GARIN2: variants seen among roughly 807,000 people sequenced by gnomAD.
The protein encoded by GARIN2 is golgi associated RAB2 interactor family member 2.
the GARIN2 span, among the ~76,000 whole-genome samples, chr14:67,226,213 A>G: frequency 1.3e-5 from 2 of 151,864 alleles, no homozygotes; most frequent in African/African-American, 4.8e-5. Flanking sequence ...TTTTTTTGAG[A>G]CTGAATCTTG....
the GARIN2 span, among the ~76,000 whole-genome samples, chr14:67,190,663 A>C: frequency 6.6e-6 from 1 of 152,214 alleles, no homozygotes; most frequent in Non-Finnish European, 1.5e-5. Context: ...TTCAGAACAC[A>C]AGGCTTTCTC....
chr14:67,203,212 C>T, the GARIN2 span: 3 of 1,613,852 alleles, frequency 1.9e-6, no homozygotes, highest in Non-Finnish European at 2.5e-6. Context: ...GCCCATCTGA[C>T]ACCTGGTGCC....
chr14:67,210,841 T>G, the GARIN2 span, among the ~76,000 whole-genome samples: 8 of 151,956 alleles, frequency 5.3e-5, no homozygotes. Flanking sequence ...GGTGAAACCC[T>G]GTCTCTACAA....
the GARIN2 span, among the ~76,000 whole-genome samples, chr14:67,193,296 A>ATC: frequency 7.7e-6 from 1 of 129,824 alleles, no homozygotes; most frequent in African/African-American, 2.8e-5. Context: ...ATAGACATCT[A>ATC]TCTATATATC....
chr14:67,193,960 A>AAAAAC, the GARIN2 span, among the ~76,000 whole-genome samples: 1 of 149,566 alleles, frequency 6.7e-6, no homozygotes, highest in Non-Finnish European at 1.5e-5. Flanking sequence ...AAAACAAAAA[A>AAAAAC]AAAACGAAAA....
the GARIN2 span, chr14:67,200,210 A>G: frequency 9.0e-7 from 1 of 1,106,066 alleles, no homozygotes; most frequent in Non-Finnish European, 1.3e-6. Flanking sequence ...CCCCCCATGG[A>G]TACACTGGCC....
the GARIN2 span, among the ~76,000 whole-genome samples, chr14:67,221,330 C>A: frequency 3.7e-4 from 56 of 152,300 alleles, no homozygotes; most frequent in African/African-American, 1.2e-3. Context: ...TTGGTGATTT[C>A]TCCTAACCAT....
the GARIN2 span, among the ~76,000 whole-genome samples, chr14:67,216,898 G>A: frequency 6.6e-6 from 1 of 152,166 alleles, no homozygotes; most frequent in Non-Finnish European, 1.5e-5. Flanking sequence ...GCTGTTGGAT[G>A]AAATGTTCTA....
At chr14:67,212,589 G>GAAA in the GARIN2 span, among the ~76,000 whole-genome samples, 994 of 99,454 alleles carry the variant, frequency 1.0e-2, 2 homozygotes, top group Middle Eastern at 0.02. Context: ...AGACCCTGTT[G>GAAA]AAAAAAAAAA....
the GARIN2 span, chr14:67,204,537 GT>G: frequency 6.2e-7 from 1 of 1,611,746 alleles, no homozygotes; most frequent in Non-Finnish European, 8.5e-7. Flanking sequence ...TTGTTTGCAG[GT>G]TTCTCCCTCT....
At chr14:67,204,891 AGACATCACC>A in the GARIN2 span, 1 of 1,614,018 alleles carries the variant, frequency 6.2e-7, no homozygotes, top group Non-Finnish European at 8.5e-7. Flanking sequence ...CAGAATTCAC[AGACATCACC>A]GACATCACAG....
chr14:67,218,937 G>A, the GARIN2 span, among the ~76,000 whole-genome samples: 1 of 151,998 alleles, frequency 6.6e-6, no homozygotes, highest in Non-Finnish European at 1.5e-5. Context: ...CCTGGCCCAG[G>A]TTCTGCACAG....
the GARIN2 span, chr14:67,204,454 CAAAT>C: frequency 3.6e-6 from 5 of 1,399,602 alleles, no homozygotes; most frequent in South Asian, 1.9e-5. Flanking sequence ...AACAAACAAA[CAAAT>C]ATATATATAT....
At chr14:67,191,233 C>CAA in the GARIN2 span, among the ~76,000 whole-genome samples, 1 of 149,662 alleles carries the variant, frequency 6.7e-6, no homozygotes, top group African/African-American at 2.4e-5. Context: ...GACTCCGTCT[C>CAA]AAAAAAAAAC....
the GARIN2 span, among the ~76,000 whole-genome samples, chr14:67,220,727 G>A: frequency 1.3e-5 from 2 of 152,036 alleles, no homozygotes; most frequent in Admixed American, 1.3e-4. Flanking sequence ...ATTTTTCAAG[G>A]TACATTTACC....
the GARIN2 span, chr14:67,228,312 C>A: frequency 6.9e-6 from 3 of 433,044 alleles, no homozygotes; most frequent in Non-Finnish European, 9.2e-6. Context: ...TTGTTTCAAT[C>A]ATTTATTTTA....
the GARIN2 span, chr14:67,203,169 T>C: frequency 6.2e-7 from 1 of 1,613,924 alleles, no homozygotes; most frequent in Non-Finnish European, 8.5e-7. Context: ...TTTTTCCAGC[T>C]CCACCCACAA....
At chr14:67,204,688 A>AATGTTT in the GARIN2 span, 2 of 1,613,964 alleles carry the variant, frequency 1.2e-6, no homozygotes, top group East Asian at 4.5e-5. Flanking sequence ...GGTGGCCCTC[A>AATGTTT]TCTCCCTCTT....
chr14:67,197,611 G>A, the GARIN2 span, among the ~76,000 whole-genome samples: 1 of 152,128 alleles, frequency 6.6e-6, no homozygotes, highest in South Asian at 2.1e-4. Flanking sequence ...TAAGGAGCGC[G>A]CAACCAAGAG....
Sources: gnomAD v4.1 joint callset for allele counts (sites outside exome capture counted in the v4.1 genomes callset) on GRCh38, gnomAD v4.1.1 for gene constraint, MANE v1.5 for transcripts, NCBI Gene and HGNC (gene_info 2026-07-23, HGNC 2026-07-21) for gene names.